NDEL1: variants seen among roughly 807,000 people sequenced by gnomAD.
NDEL1 encodes nudE neurodevelopment protein 1 like 1.
A neutral mutation model predicts 45.7 loss-of-function variants in NDEL1; 9 were observed. That is an observed-to-expected ratio of 0.20 (90% CI 0.12 to 0.34). The LOEUF (loss-of-function observed/expected upper bound fraction) is 0.34, where lower values mean the gene tolerates loss of function less well. Ranked by LOEUF, NDEL1 falls within the 10% of genes least tolerant of loss-of-function variation. NDEL1 has a pLI of 1.00. For synonymous variants in NDEL1, 133 were observed against 158.6 expected, an observed-to-expected ratio of 0.84 and a Z score of 1.21; for missense variants, 306 against 406.2, an observed-to-expected ratio of 0.75 and a Z score of 2.12.
intron 1 of NDEL1, among the ~76,000 whole-genome samples, chr17:8,443,077 C>G (rs1355800375): frequency 1.3e-5 from 2 of 152,210 alleles, no homozygotes; most frequent in African/African-American, 4.8e-5. Context: ...CCACACCTAG[C>G]CTATTAATTT....
downstream of NDEL1, among the ~76,000 whole-genome samples, chr17:8,469,081 T>C (rs1486679562): frequency 1.3e-5 from 2 of 152,164 alleles, no homozygotes. Flanking sequence ...TATTAATCTA[T>C]AGACAGGAAT....
downstream of NDEL1, among the ~76,000 whole-genome samples, chr17:8,472,072 A>C (rs1911848472): frequency 1.3e-5 from 2 of 151,690 alleles, no homozygotes; most frequent in Non-Finnish European, 1.5e-5. Flanking sequence ...TTTTTTTGGG[A>C]GTGAAGGAAG....
intron 1 of NDEL1, among the ~76,000 whole-genome samples, chr17:8,417,059 T>C (rs758466214): frequency 6.6e-6 from 1 of 152,226 alleles, no homozygotes; most frequent in Non-Finnish European, 1.5e-5. Flanking sequence ...AGCTTACTTA[T>C]GCTCCCTGCA....
chr17:8,449,006 G>A (rs1252893780), intron 5 of NDEL1, among the ~76,000 whole-genome samples: 4 of 152,158 alleles, frequency 2.6e-5, no homozygotes, highest in Admixed American at 1.3e-4. Context: ...TTTTGGAGAC[G>A]AAGTCTCGTA....
chr17:8,450,539 T>C (rs574718510), intron 5 of NDEL1, among the ~76,000 whole-genome samples: 5 of 152,348 alleles, frequency 3.3e-5, no homozygotes, highest in Non-Finnish European at 5.9e-5. Context: ...TGTTTCTTTT[T>C]GCATATAAGC....
downstream of NDEL1, among the ~76,000 whole-genome samples, chr17:8,470,641 C>A (rs1911811493): frequency 6.6e-6 from 1 of 152,186 alleles, no homozygotes; most frequent in Non-Finnish European, 1.5e-5. The surrounding 1 kb of genome is among the most constrained non-coding windows in gnomAD (Gnocchi z 4.2). Context: ...TTTGAGTTGA[C>A]TGAGCTTGCA....
intron 1 of NDEL1, among the ~76,000 whole-genome samples, chr17:8,415,702 C>A (rs574878049): frequency 1.3e-5 from 2 of 151,318 alleles, no homozygotes; most frequent in Admixed American, 1.3e-4. Context: ...GGATTACAGG[C>A]GTGAGACACC....
chr17:8,431,022 C>G (rs1163821995), upstream of NDEL1, among the ~76,000 whole-genome samples: 1 of 152,190 alleles, frequency 6.6e-6, no homozygotes, highest in East Asian at 1.9e-4. Flanking sequence ...ATAGTCCAGT[C>G]CTGACAAACA....
intron 1 of NDEL1, among the ~76,000 whole-genome samples, chr17:8,420,264 T>C (rs1908668849): frequency 6.6e-6 from 1 of 152,212 alleles, no homozygotes; most frequent in African/African-American, 2.4e-5. Context: ...TGAGTGTTTG[T>C]AAAGCACTTA....
intron 6 of NDEL1, among the ~76,000 whole-genome samples, chr17:8,452,151 A>G (rs1910544722): frequency 6.6e-6 from 1 of 152,242 alleles, no homozygotes; most frequent in African/African-American, 2.4e-5. Flanking sequence ...AGCAGTCATC[A>G]GGAGCCCTCA....
rs537229240 is a variant in NDEL1 at position 8,421,873 on chromosome 17, G to A, written c.-13+8604G>A. Among the ~76,000 whole-genome samples, 3 of 152,306 alleles carry A rather than the reference G, an allele frequency of 2.0e-5. No individual in the cohort carries two copies. In the South Asian group the frequency reaches 6.2e-4, roughly 32 times the overall value. On this transcript the variant is annotated intron_variant, in intron 1 of 4. Coordinates refer to the NDEL1 transcript ENST00000582812. The stretch of plus-strand genomic sequence containing the variant: ...TGGCCAAGGAGAGGAAGGGCTCTCT[G>A]CTCCACCGGGATGGTGCTTGGCTAG...
intron 1 of NDEL1, among the ~76,000 whole-genome samples, chr17:8,438,623 C>T (rs759943712): frequency 1.3e-5 from 2 of 152,002 alleles, no homozygotes; most frequent in Non-Finnish European, 2.9e-5. Context: ...TCAAGCGATC[C>T]TCCCACCACA....
At position 8,460,136 on chromosome 17, in the gene NDEL1, G is replaced by A. The variant is rs1334190696; in HGVS notation, c.920G>A (p.Gly307Glu). The A allele has an allele frequency of 1.2e-6, 2 of 1,612,958 alleles. No individual in the cohort carries two copies. Among genetic ancestry groups the A allele is most frequent in the Admixed American group, 1.7e-5 (1 of 59,742 alleles). Residue 307 changes from glycine to glutamate, a missense_variant, in exon 8 of 9, where the codon GGG (glycine) becomes GAG (glutamate). Physicochemically the swap from Gly to Glu is moderately conservative, Grantham distance 98. Coordinates refer to ENST00000334527, the MANE Select transcript of NDEL1 (RefSeq NM_030808.5). ...NGNGTKFSRS[G>E]HTSFFDKGAV... ...AATGGCACAAAGTTCTCTCGATCAG[G>A]GCATACATCTTTCTTCGACAAAGGG...
At chr17:8,433,079 C>A (rs142366577), upstream of NDEL1, among the ~76,000 whole-genome samples, 667 of 150,686 alleles carry the variant, frequency 4.4e-3, 4 homozygotes, top group African/African-American at 0.015. Context: ...AGCGAAGTTT[C>A]ATTCTTGGTT....
chr17:8,425,928 A>G (rs1405655281), intron 1 of NDEL1, among the ~76,000 whole-genome samples: 1 of 152,134 alleles, frequency 6.6e-6, no homozygotes, highest in Non-Finnish European at 1.5e-5. Context: ...AATAGCTAGG[A>G]TTACAAATGT....
Position 8,460,106 on chromosome 17 carries a change from A to G in NDEL1, c.890A>G (p.Asn297Ser). 2 of 1,614,202 alleles carry G rather than the reference A, an allele frequency of 1.2e-6. No homozygotes were observed. The highest frequency in any genetic ancestry group is 2.2e-5 in the East Asian group (1 of 44,888). Residue 297 changes from asparagine to serine, a missense_variant, in exon 8 of 9, where the codon AAT (asparagine) becomes AGT (serine). Transcript: ENST00000334527. ...ISGNVNCGVL[N>S]GNGTKFSRSG... is the part of the protein sequence containing the mutation. ...GGGAATGTTAACTGTGGGGTGCTGA[A>G]TGGCAATGGCACAAAGTTCTCTCGA... is the stretch of plus-strand genomic sequence containing the variant.
chr17:8,418,724 TTTCCTTCCTTCCTTTGTTCTTTCC>T (rs1908631380), intron 1 of NDEL1, among the ~76,000 whole-genome samples: 1 of 148,676 alleles, frequency 6.7e-6, no homozygotes, highest in African/African-American at 2.5e-5. Context: ...TCTCTCTCTC[TTTCCTTCCTTCCTTTGTTCTTTCC>T]TTCCTTCCTT....
downstream of NDEL1, among the ~76,000 whole-genome samples, chr17:8,471,027 C>T (rs1351265992): frequency 6.6e-6 from 1 of 152,224 alleles, no homozygotes; most frequent in East Asian, 1.9e-4. Context: ...TCTGCCCCCT[C>T]CCCGACTGTA....
chr17:8,454,229 C>T (rs1049059449), intron 6 of NDEL1, among the ~76,000 whole-genome samples: 1 of 150,446 alleles, frequency 6.6e-6, no homozygotes, highest in African/African-American at 2.4e-5. Flanking sequence ...AAAGGGTGAA[C>T]ATCCAGAATG....
Sources: allele counts gnomAD v4.1 joint callset (sites outside exome capture counted in the v4.1 genomes callset), GRCh38; gene constraint gnomAD v4.1.1; non-coding constraint Gnocchi (gnomAD v3.1); transcripts MANE v1.5; gene names NCBI Gene and HGNC (gene_info 2026-07-23, HGNC 2026-07-21).